The following GABRB2 variants were observed in gnomAD, a reference collection of about 807,000 sequenced individuals.
GABRB2 encodes the protein gamma-aminobutyric acid type A receptor subunit beta2, also known as gamma-aminobutyric acid receptor subunit beta-2.
A neutral mutation model predicts 54.7 loss-of-function variants in GABRB2; 16 were observed. The ratio of observed to expected loss-of-function variants is 0.29; its 90% CI spans 0.20 to 0.44. The LOEUF is 0.44. Among genes scored for constraint, GABRB2 ranks in the 20% least tolerant of loss-of-function variants. GABRB2 has a pLI of 1.00. For missense variants in GABRB2, 355 were observed against 644.0 expected (o/e 0.55, Z 4.86); for synonymous variants, 244 against 233.8 (o/e 1.04, Z -0.40).
At chr5:161,435,702 C>T (rs898258387) in intron 4 of GABRB2, among the ~76,000 whole-genome samples, 1 of 152,088 alleles carries the variant, frequency 6.6e-6, no homozygotes, top group African/African-American at 2.4e-5. Flanking sequence ...ATAATGGCAT[C>T]CATTGCCTCA....
At chr5:161,416,238 C>A (rs1197224912) in intron 4 of GABRB2, among the ~76,000 whole-genome samples, 4 of 152,122 alleles carry the variant, frequency 2.6e-5, no homozygotes, top group Non-Finnish European at 4.4e-5. Flanking sequence ...CCATGCCCAG[C>A]CAGCATTCCA....
chr5:161,546,981 G>A (rs1402072225), upstream of GABRB2: 4 of 257,780 alleles, frequency 1.6e-5, no homozygotes, highest in African/African-American at 6.8e-5. Flanking sequence ...AGTTGCAAGA[G>A]GCAGTTTTGC....
intron 3 of GABRB2, among the ~76,000 whole-genome samples, chr5:161,509,497 C>T (rs777452557): frequency 6.6e-6 from 1 of 151,892 alleles, no homozygotes; most frequent in Non-Finnish European, 1.5e-5. Flanking sequence ...CTGACATCCT[C>T]AGAGAAAGAG....
intron 7 of GABRB2, 117 bp from the exon 8 acceptor site, chr5:161,331,244 T>C: frequency 8.0e-7 from 1 of 1,251,348 alleles, no homozygotes; most frequent in Non-Finnish European, 1.1e-6. Context: ...AATCTATTTA[T>C]TGGGCCTTTA....
At chr5:161,415,826 T>C (rs980839029) in intron 4 of GABRB2, among the ~76,000 whole-genome samples, 7 of 152,144 alleles carry the variant, frequency 4.6e-5, no homozygotes, top group Admixed American at 6.5e-5. Context: ...TTGGCCAACC[T>C]GGTCTCAAAC....
chr5:161,341,764 T>C (rs1370935274), intron 5 of GABRB2, among the ~76,000 whole-genome samples: 1 of 150,796 alleles, frequency 6.6e-6, no homozygotes, highest in Non-Finnish European at 1.5e-5. Context: ...TTTTAAAAAG[T>C]TATTTTCTCT....
chr5:161,414,246 T>C (rs1267257559), intron 4 of GABRB2, among the ~76,000 whole-genome samples: 2 of 152,196 alleles, frequency 1.3e-5, no homozygotes, highest in Non-Finnish European at 2.9e-5. Context: ...AGACAAGTCA[T>C]TGTATTCTCT....
chr5:161,355,508 T>C (rs1196252893), intron 5 of GABRB2, among the ~76,000 whole-genome samples: 1 of 151,708 alleles, frequency 6.6e-6, no homozygotes, highest in East Asian at 1.9e-4. Context: ...TCAAATGTCA[T>C]AGGCATTGCA....
At chr5:161,377,658 G>T (rs1264152455) in intron 5 of GABRB2, among the ~76,000 whole-genome samples, 3 of 151,994 alleles carry the variant, frequency 2.0e-5, no homozygotes, top group Non-Finnish European at 4.4e-5. Context: ...AAACTGGAAA[G>T]CAATTTACAA....
At chr5:161,365,889 T>C (rs1186522868) in intron 5 of GABRB2, among the ~76,000 whole-genome samples, 1 of 152,030 alleles carries the variant, frequency 6.6e-6, no homozygotes, top group East Asian at 1.9e-4. Flanking sequence ...TTTTATTCAC[T>C]ACGATTTGGG....
At chr5:161,376,102 T>A (rs1172650796) in intron 5 of GABRB2, among the ~76,000 whole-genome samples, 4 of 152,084 alleles carry the variant, frequency 2.6e-5, no homozygotes, top group African/African-American at 4.8e-5. Flanking sequence ...GTAAAAAAAA[T>A]TTAAATGGTT....
chr5:161,458,155 T>A (rs1467372925), intron 4 of GABRB2, among the ~76,000 whole-genome samples: 1 of 152,188 alleles, frequency 6.6e-6, no homozygotes, highest in African/African-American at 2.4e-5. Context: ...CACCCTCTCA[T>A]CAAGGTCTCT....
chr5:161,499,693 T>C (rs1226789360), intron 3 of GABRB2, among the ~76,000 whole-genome samples: 2 of 152,200 alleles, frequency 1.3e-5, no homozygotes, highest in Non-Finnish European at 2.9e-5. Context: ...TTTCAAGTAA[T>C]TTATCACAAT....
Position 161,459,740 on chromosome 5 carries a change from C to A in GABRB2, c.342G>T (p.Gln114His). ...GGAAATAGGTATCAGGCACCCAGAGCTGGTCTGCCACTCTGTTGTCCAGAG... is the reference window on the plus strand; with the variant it reads ...GGAAATAGGTATCAGGCACCCAGAGATGGTCTGCCACTCTGTTGTCCAGAG... The part of the protein sequence containing the change: ...NLTLDNRVAD[Q>H]LWVPDTYFLN... The change falls in exon 4 of 10, where the codon CAG becomes CAT. Residue 114 changes from glutamine (Q) to histidine (H), a missense_variant. By Grantham distance (24) the Gln-to-His change is conservative. Coordinates refer to ENST00000393959, the MANE Select transcript of GABRB2 (RefSeq NM_001371727.1). 3 of 1,613,862 alleles carry A rather than the reference C, an allele frequency of 1.9e-6. No individual in the cohort carries two copies. Among genetic ancestry groups the A allele is most frequent in the Non-Finnish European group, 2.5e-6 (3 of 1,179,850 alleles).
chr5:161,294,676 T>C (rs958532957), intron 9 of GABRB2, among the ~76,000 whole-genome samples: 1 of 152,252 alleles, frequency 6.6e-6, no homozygotes, highest in Non-Finnish European at 1.5e-5. Context: ...AATTATATAA[T>C]AGACTGTTGC....
intron 9 of GABRB2, among the ~76,000 whole-genome samples, chr5:161,300,121 A>G (rs1042202977): frequency 1.3e-5 from 2 of 152,220 alleles, no homozygotes; most frequent in Non-Finnish European, 2.9e-5. Context: ...TACAAGGTCA[A>G]GAGCAAAAGT....
chr5:161,303,167 G>T (rs563883854), intron 9 of GABRB2, among the ~76,000 whole-genome samples: 11 of 152,226 alleles, frequency 7.2e-5, no homozygotes, highest in Admixed American at 5.2e-4. Flanking sequence ...AGAAATTCAT[G>T]GCTTGTTCGA....
chr5:161,336,793 C>G lies in GABRB2; in HGVS notation c.542-24G>C. ...ATCTGTGAAAGGAAACATACACACA[C>G]ACACACACAAATACAGAAAACAAAA... On this transcript the variant is annotated intron_variant, in intron 5 of 9. Coordinates refer to ENST00000393959, the MANE Select transcript of GABRB2 (RefSeq NM_001371727.1). 1.9e-6 allele frequency: 3 copies of G among 1,564,314 alleles called. No individual in the cohort carries two copies. In the African/African-American group the frequency reaches 4.3e-5, roughly 23 times the overall value.
At chr5:161,360,615 G>T (rs1238058973) in intron 5 of GABRB2, among the ~76,000 whole-genome samples, 1 of 152,060 alleles carries the variant, frequency 6.6e-6, no homozygotes, top group Non-Finnish European at 1.5e-5. Flanking sequence ...AAGGGAAATT[G>T]TTTTTATGTA....
Sources: gnomAD v4.1 joint callset for allele counts (sites outside exome capture counted in the v4.1 genomes callset) on GRCh38, gnomAD v4.1.1 for gene constraint, MANE v1.5 for transcripts, NCBI Gene and HGNC (gene_info 2026-07-23, HGNC 2026-07-21) for gene names.